WDR25: variants seen among roughly 807,000 people sequenced by gnomAD.
WDR25 encodes WD repeat domain 25, also known as WD repeat-containing protein 25.
WDR25 carries 35 observed loss-of-function variants against 47.7 expected under a neutral mutation model. The observed-to-expected ratio is 0.73, with a 90% CI of 0.56 to 0.97. WDR25 has a LOEUF of 0.97. Ranked by LOEUF, WDR25 falls within the 50% of genes least tolerant of loss-of-function variation. WDR25 has a pLI of 0.00. For missense variants in WDR25, 634 were observed against 704.7 expected (o/e 0.90, Z 1.14); for synonymous variants, 248 against 278.9 (o/e 0.89, Z 1.10).
Position 100,529,723 on chromosome 14 carries a change from G to T in WDR25, c.1414-97G>T. 2 of 1,372,606 alleles carry T rather than the reference G, an allele frequency of 1.5e-6. No individual in the cohort carries two copies. The highest frequency in any genetic ancestry group is 9.9e-7 in the Non-Finnish European group (1 of 1,009,498). 85.0% of individuals were successfully genotyped at this position (1,372,606 alleles called of 1,614,324 possible). On this transcript the variant is annotated intron_variant, in intron 6 of 6. Coordinates refer to ENST00000402312, the MANE Select transcript of WDR25 (RefSeq NM_001161476.3). The surrounding 1 kb of genome is among the most constrained non-coding windows in gnomAD (Gnocchi z 5.1). ...GAGGTGCGAAGCCCAGCTCTGCTCC[G>T]TCAGCTCGGGGCTTCAGCCTGCTCC... is the stretch of plus-strand genomic sequence containing the variant.
At chr14:100,511,525 C>CCT (rs1354220833) in intron 4 of WDR25, among the ~76,000 whole-genome samples, 3 of 151,284 alleles carry the variant, frequency 2.0e-5, no homozygotes, top group African/African-American at 7.3e-5. Context: ...CTATCTCTAT[C>CCT]CTCTCTCTCT....
chr14:100,464,657 C>A (rs1269466579), intron 2 of WDR25, among the ~76,000 whole-genome samples: 1 of 149,940 alleles, frequency 6.7e-6, no homozygotes, highest in African/African-American at 2.5e-5. Flanking sequence ...TTTCATCTCC[C>A]CCACCCCATC....
At position 100,453,297 on chromosome 14, in the gene WDR25, C is replaced by A. The variant is rs114298912; in HGVS notation, c.823-14724C>A. 4.9e-3 allele frequency among the ~76,000 whole-genome samples: 745 copies of A among 152,292 alleles called. 9 individuals carry two copies. Among genetic ancestry groups the A allele is most frequent in the African/African-American group, 0.017 (700 of 41,552 alleles). ...AGTGGTGCTGAAACCTGCACACTTTCGAGCCAGAGTGCCTTGGTCCAGGTG... is the reference window on the plus strand; with the variant it reads ...AGTGGTGCTGAAACCTGCACACTTTAGAGCCAGAGTGCCTTGGTCCAGGTG... On this transcript the variant is annotated intron_variant, in intron 2 of 6. Coordinates refer to ENST00000402312, the MANE Select transcript of WDR25 (RefSeq NM_001161476.3).
rs557177482 is a variant in WDR25, at chr14:100,482,631, T to G, written c.971-1363T>G. 7.2e-5 allele frequency among the ~76,000 whole-genome samples: 11 copies of G among 151,818 alleles called. No individual in the cohort carries two copies. In the East Asian group the frequency reaches 2.0e-3, roughly 27 times the overall value. ...GCTGGGACTGTCATGAGTACTCATGTGACTGTCATGAGTACTTTCATTTCC... is the reference window on the plus strand; with the variant it reads ...GCTGGGACTGTCATGAGTACTCATGGGACTGTCATGAGTACTTTCATTTCC... On this transcript the variant is annotated intron_variant, in intron 3 of 6. Transcript: ENST00000402312.
At chr14:100,380,853 A>G in intron 1 of WDR25, 57 bp from the exon 2 acceptor site, 1 of 1,461,114 alleles carries the variant, frequency 6.8e-7, no homozygotes, top group Non-Finnish European at 9.3e-7. Context: ...GTTTCTTATA[A>G]CTACATACAT....
At chr14:100,417,308 A>C (rs116623120) in intron 2 of WDR25, among the ~76,000 whole-genome samples, 64 of 152,386 alleles carry the variant, frequency 4.2e-4, no homozygotes, top group Middle Eastern at 3.4e-3. Flanking sequence ...TTAGTAGGAC[A>C]CTTGGCACAT....
At chr14:100,422,934 G>A (rs765979967) in intron 2 of WDR25, among the ~76,000 whole-genome samples, 7 of 152,198 alleles carry the variant, frequency 4.6e-5, no homozygotes. Flanking sequence ...CAGGATTGAA[G>A]TGGCGAGCGT....
intron 1 of WDR25, among the ~76,000 whole-genome samples, chr14:100,379,313 A>G (rs542836647): frequency 4.0e-5 from 6 of 151,898 alleles, no homozygotes; most frequent in Non-Finnish European, 8.8e-5. Context: ...TATGACCAAA[A>G]TGGACCTTCC....
chr14:100,471,166 G>A (rs971824303), intron 3 of WDR25, among the ~76,000 whole-genome samples: 1 of 152,116 alleles, frequency 6.6e-6, no homozygotes, highest in Non-Finnish European at 1.5e-5. Context: ...TGGTTTCCAT[G>A]TCCCTCTCCC....
chr14:100,459,013 A>G (rs1314156381), intron 2 of WDR25, among the ~76,000 whole-genome samples: 1 of 152,226 alleles, frequency 6.6e-6, no homozygotes, highest in Non-Finnish European at 1.5e-5. Context: ...ATTCAACCCA[A>G]ATAAGCCAAT....
chr14:100,410,127 C>A (rs1897663489), intron 2 of WDR25, among the ~76,000 whole-genome samples: 1 of 152,146 alleles, frequency 6.6e-6, no homozygotes, highest in Non-Finnish European at 1.5e-5. Flanking sequence ...ACAGTCAAAG[C>A]TCTATTGTTA....
chr14:100,505,662 T>A (rs577210198), intron 4 of WDR25, among the ~76,000 whole-genome samples: 5 of 152,330 alleles, frequency 3.3e-5, no homozygotes, highest in Non-Finnish European at 7.4e-5. Context: ...TGGGGATAAT[T>A]GACATCTTAA....
chr14:100,526,086 G>A lies in WDR25; in HGVS notation c.1272+46G>A, dbSNP rs760531799. 1.0e-5 allele frequency: 16 copies of A among 1,601,844 alleles called. No individual in the cohort carries two copies. In the Admixed American group the frequency reaches 1.2e-4, roughly 12 times the overall value. ...TTGCTGTCAGTTTCAGCCACAGAGCGTATCCATGTAGTTCTGGTCTGTCTG... is the reference window on the plus strand; with the variant it reads ...TTGCTGTCAGTTTCAGCCACAGAGCATATCCATGTAGTTCTGGTCTGTCTG... On this transcript the variant is annotated intron_variant, in intron 5 of 6. Coordinates refer to ENST00000402312, the MANE Select transcript of WDR25 (RefSeq NM_001161476.3).
chr14:100,444,327 GGGGCATGCCTGCGA>G (rs1364927586), intron 2 of WDR25, among the ~76,000 whole-genome samples: 1 of 152,260 alleles, frequency 6.6e-6, no homozygotes, highest in African/African-American at 2.4e-5. Context: ...CAGCCACTGA[GGGGCATGCCTGCGA>G]GTGCATCCGT....
At chr14:100,447,235 C>T (rs139349818) in intron 2 of WDR25, among the ~76,000 whole-genome samples, 2 of 152,310 alleles carry the variant, frequency 1.3e-5, no homozygotes, top group East Asian at 3.9e-4. Context: ...GGAAGCTGTT[C>T]CATTTGTCCT....
At position 100,527,083 on chromosome 14, in the gene WDR25, TCAC is replaced by T. The variant is rs1308260546; in HGVS notation, c.1272+1050_1272+1052del. Among the ~76,000 whole-genome samples, 3 of 149,700 alleles carry T rather than the reference TCAC, an allele frequency of 2.0e-5. No homozygotes were observed. The East Asian group carries it at 5.9e-4, about 30-fold the overall frequency. Reference sequence around the variant, plus strand: ...ATCTCCGTCACTACCACCAACTGTATCACCACCACGATCACTGCCGTCATTACA... The same window carrying T: ...ATCTCCGTCACTACCACCAACTGTATCACCACGATCACTGCCGTCATTACA... On this transcript the variant is annotated intron_variant, in intron 5 of 6. Transcript: ENST00000402312.
intron 2 of WDR25, among the ~76,000 whole-genome samples, chr14:100,405,898 T>C (rs930433617): frequency 1.3e-5 from 2 of 152,238 alleles, no homozygotes; most frequent in African/African-American, 4.8e-5. Flanking sequence ...GGCCAGGCTG[T>C]GCATAGGCTT....
intron 2 of WDR25, among the ~76,000 whole-genome samples, chr14:100,446,550 C>CA (rs55946078): frequency 0.021 from 1,551 of 74,716 alleles, 65 homozygotes; most frequent in African/African-American, 0.094. Context: ...GACTCCATCT[C>CA]AAAAAAAAAA....
chr14:100,447,317 A>G (rs925108196), intron 2 of WDR25, among the ~76,000 whole-genome samples: 4 of 152,234 alleles, frequency 2.6e-5, no homozygotes, highest in African/African-American at 9.7e-5. Flanking sequence ...CCATAAATCT[A>G]CAACGATTTT....
Sources: allele counts gnomAD v4.1 joint callset (sites outside exome capture counted in the v4.1 genomes callset), GRCh38; gene constraint gnomAD v4.1.1; non-coding constraint Gnocchi (gnomAD v3.1); transcripts MANE v1.5; gene names NCBI Gene and HGNC (gene_info 2026-07-23, HGNC 2026-07-21).